BCAS3: variants seen among roughly 807,000 people sequenced by gnomAD.
The protein encoded by BCAS3 is BCAS4/BCAS3 fusion.
Under a neutral mutation model 116.1 loss-of-function variants are expected in BCAS3, and 53 were observed. The ratio of observed to expected loss-of-function variants is 0.46; its 90% CI spans 0.37 to 0.57. The LOEUF is 0.57. BCAS3 is among the 20% of genes least tolerant of loss of function. The probability of loss-of-function intolerance (pLI) is 0.00; values close to 1 mark genes in which losing one functional copy is unlikely to be tolerated. For missense variants in BCAS3, 917 were observed against 1,165.4 expected (o/e 0.79, Z 3.10); for synonymous variants, 391 against 408.2 (o/e 0.96, Z 0.51).
intron 8 of BCAS3, among the ~76,000 whole-genome samples, chr17:60,874,279 C>T (rs1213686737): frequency 6.6e-6 from 1 of 151,874 alleles, no homozygotes; most frequent in Non-Finnish European, 1.5e-5. Context: ...CCTTTGTTGC[C>T]CAGGCTGGTC....
rs111611245 is a variant in BCAS3, at chr17:61,082,221, T to C, written c.2328-2246T>C. 1.4e-3 allele frequency among the ~76,000 whole-genome samples: 215 copies of C among 152,342 alleles called. 1 individual carries two copies. Among genetic ancestry groups the C allele is most frequent in the African/African-American group, 4.4e-3 (184 of 41,580 alleles). On this transcript the variant is annotated intron_variant, in intron 21 of 23. Coordinates refer to ENST00000407086, the MANE Select transcript of BCAS3 (RefSeq NM_017679.5). The surrounding 1 kb of genome is among the most constrained non-coding windows in gnomAD (Gnocchi z 5.1). Reference sequence around the variant, plus strand: ...GAAATTGGTTATCATTTATTTTATTTTATTTAACTGAGATATAATTCACAT... The same window carrying C: ...GAAATTGGTTATCATTTATTTTATTCTATTTAACTGAGATATAATTCACAT...
At chr17:61,027,904 G>A (rs181582333) in intron 16 of BCAS3, among the ~76,000 whole-genome samples, 13 of 151,930 alleles carry the variant, frequency 8.6e-5, no homozygotes, top group African/African-American at 2.6e-4. Context: ...GAAAAATACC[G>A]TGTTTCAAAA....
intron 5 of BCAS3, among the ~76,000 whole-genome samples, chr17:60,736,403 C>G (rs2040966060): frequency 6.6e-6 from 1 of 151,672 alleles, no homozygotes; most frequent in African/African-American, 2.4e-5. Context: ...CCAGGGTGGT[C>G]TCAAACTCCT....
chr17:61,048,526 C>CA (rs1335410826), intron 19 of BCAS3, among the ~76,000 whole-genome samples: 2 of 151,886 alleles, frequency 1.3e-5, no homozygotes, highest in Non-Finnish European at 2.9e-5. Flanking sequence ...CGGGTGTCGG[C>CA]AAATTACCAT....
At chr17:60,772,276 T>C (rs2044788003) in intron 6 of BCAS3, among the ~76,000 whole-genome samples, 1 of 152,064 alleles carries the variant, frequency 6.6e-6, no homozygotes, top group South Asian at 2.1e-4. Context: ...TATCTCATTG[T>C]GGTTTTGATT....
intron 7 of BCAS3, among the ~76,000 whole-genome samples, chr17:60,845,008 T>A (rs2144777227): frequency 6.6e-6 from 1 of 152,272 alleles, no homozygotes; most frequent in South Asian, 2.1e-4. Flanking sequence ...GGCAGGTGGA[T>A]CACCTGAGGT....
rs975519483 is a variant in BCAS3, at chr17:61,088,396, C to T, written c.2425+3832C>T. Among the ~76,000 whole-genome samples, 2 of 152,110 alleles carry T rather than the reference C, an allele frequency of 1.3e-5. No homozygotes were observed. The highest frequency in any genetic ancestry group is 2.9e-5 in the Non-Finnish European group (2 of 68,024). ...ATATCCAGCTGATGAACAACAATGT[C>T]GATGAATCATTGATAGTATTTCTAG... On this transcript the variant is annotated intron_variant, in intron 22 of 23. Coordinates refer to ENST00000407086, the MANE Select transcript of BCAS3 (RefSeq NM_017679.5). The surrounding 1 kb of genome is among the most constrained non-coding windows in gnomAD (Gnocchi z 4.2).
rs2048367050 is a variant in BCAS3 at position 61,251,523 on chromosome 17, T to C, written c.2426-116804T>C. On this transcript the variant is annotated intron_variant, in intron 22 of 23. Coordinates refer to ENST00000407086, the MANE Select transcript of BCAS3 (RefSeq NM_017679.5). The surrounding 1 kb of genome is among the most constrained non-coding windows in gnomAD (Gnocchi z 4.7). ...ATGCAGAGGTTGCAGTGAGCCGAGA[T>C]TGCGCCATTCCACTCCAGCCTGGGC... Among the ~76,000 whole-genome samples, 1 of 151,374 alleles carries C rather than the reference T, an allele frequency of 6.6e-6. No homozygotes were observed. Among genetic ancestry groups the C allele is most frequent in the African/African-American group, 2.4e-5 (1 of 41,128 alleles).
chr17:60,752,184 G>GTGTT (rs2042537046), intron 6 of BCAS3, among the ~76,000 whole-genome samples: 1 of 151,450 alleles, frequency 6.6e-6, no homozygotes, highest in Non-Finnish European at 1.5e-5. Context: ...GTGTGTGTGT[G>GTGTT]TGTAAGTGTA....
chr17:61,358,365 A>C (rs753435035), intron 22 of BCAS3, among the ~76,000 whole-genome samples: 3 of 152,098 alleles, frequency 2.0e-5, no homozygotes, highest in Non-Finnish European at 4.4e-5. Context: ...CTTAACAAAT[A>C]CCATATTGTA....
At chr17:60,747,086 A>G in intron 5 of BCAS3, 112 bp from the exon 6 acceptor site, 1 of 668,588 alleles carries the variant, frequency 1.5e-6, no homozygotes, top group Non-Finnish European at 2.6e-6. Context: ...GGGTGTATGT[A>G]TATATATTTC....
At position 61,362,073 on chromosome 17, in the gene BCAS3, C is replaced by T. The variant is rs966890498; in HGVS notation, c.2426-6254C>T. ...ATCCCTTAGTCCAGTCAAGTTGATA[C>T]ATGAAATTGACCATTGCACCAAGAA... is the stretch of plus-strand genomic sequence containing the variant. On this transcript the variant is annotated intron_variant, in intron 22 of 23. Coordinates refer to ENST00000407086, the MANE Select transcript of BCAS3 (RefSeq NM_017679.5). This position sits in a 1 kb window ranked among gnomAD's most constrained non-coding sequence, Gnocchi z 4.4. 6.6e-6 allele frequency among the ~76,000 whole-genome samples: 1 copy of T among 152,206 alleles called. No homozygotes were observed. The highest frequency in any genetic ancestry group is 2.4e-5 in the African/African-American group (1 of 41,446).
At chr17:60,803,161 A>G (rs934196973) in intron 6 of BCAS3, among the ~76,000 whole-genome samples, 1 of 152,126 alleles carries the variant, frequency 6.6e-6, no homozygotes, top group Non-Finnish European at 1.5e-5. Flanking sequence ...TTGTCATTTA[A>G]TCTTCTTCAC....
rs141152631 is a variant in BCAS3, at chr17:60,690,767, A to G, written c.214+1006A>G. ...GAAACCTCGTCTCTACTAAAAATAC[A>G]AAATTAGTCGGGCATAGTGGCACAC... On this transcript the variant is annotated intron_variant, in intron 4 of 23. Coordinates refer to ENST00000407086, the MANE Select transcript of BCAS3 (RefSeq NM_017679.5). 3.3e-3 allele frequency among the ~76,000 whole-genome samples: 499 copies of G among 151,404 alleles called. 5 individuals carry two copies. Among genetic ancestry groups the G allele is most frequent in the African/African-American group, 0.011 (454 of 41,354 alleles).
intron 7 of BCAS3, among the ~76,000 whole-genome samples, chr17:60,809,177 G>A (rs149868006): frequency 0.015 from 2,230 of 151,550 alleles, 14 homozygotes; most frequent in Middle Eastern, 0.037. Context: ...CCAACTACCC[G>A]GAAGGCTGAG....
Position 61,362,222 on chromosome 17 carries a change from C to T in BCAS3, c.2426-6105C>T, listed in dbSNP as rs1338598105. Among the ~76,000 whole-genome samples, 1 of 152,212 alleles carries T rather than the reference C, an allele frequency of 6.6e-6. No homozygotes were observed. The highest frequency in any genetic ancestry group is 1.5e-5 in the Non-Finnish European group (1 of 68,038). The stretch of plus-strand genomic sequence containing the variant: ...GTTTGGTAAGCTTGCCAAGGAGGCT[C>T]CCCTCTACACTGGTTCCCCTCATCA... On this transcript the variant is annotated intron_variant, in intron 22 of 23. Transcript: ENST00000407086. The surrounding 1 kb of genome is among the most constrained non-coding windows in gnomAD (Gnocchi z 4.4).
intron 23 of BCAS3, among the ~76,000 whole-genome samples, chr17:61,382,598 G>C (rs2059659641): frequency 6.6e-6 from 1 of 151,718 alleles, no homozygotes; most frequent in African/African-American, 2.4e-5. Context: ...GGAGGTTGCA[G>C]TGAGCTGAGA....
intron 6 of BCAS3, among the ~76,000 whole-genome samples, chr17:60,786,217 A>G (rs1000319739): frequency 2.6e-5 from 4 of 152,156 alleles, no homozygotes; most frequent in African/African-American, 7.2e-5. Context: ...GTGAGAATAT[A>G]TATAGTATGA....
At chr17:60,982,399 C>T (rs1032634925) in intron 14 of BCAS3, among the ~76,000 whole-genome samples, 1 of 152,164 alleles carries the variant, frequency 6.6e-6, no homozygotes, top group Admixed American at 6.5e-5. Context: ...CTCATAACTC[C>T]TGGGCTTAAG....
Sources: allele counts gnomAD v4.1 joint callset (sites outside exome capture counted in the v4.1 genomes callset), GRCh38; gene constraint gnomAD v4.1.1; non-coding constraint Gnocchi (gnomAD v3.1); transcripts MANE v1.5; gene names NCBI Gene and HGNC (gene_info 2026-07-23, HGNC 2026-07-21).